Variants in FAM149A observed in about 807,000 individuals in gnomAD.
FAM149A encodes the protein family with sequence similarity 149 member A, also known as protein FAM149A.
A neutral mutation model predicts 78.2 loss-of-function variants in FAM149A; 71 were observed. The observed-to-expected ratio is 0.91, with a 90% CI of 0.75 to 1.11. The LOEUF (loss-of-function observed/expected upper bound fraction) is 1.11. Among genes scored for constraint, FAM149A ranks in the 50% least tolerant of loss-of-function variants. The pLI is 0.00. For synonymous variants in FAM149A, 446 were observed against 410.5 expected, an observed-to-expected ratio of 1.09 and a Z score of -1.04; for missense variants, 1,036 against 971.0, an observed-to-expected ratio of 1.07 and a Z score of -0.89.
intron 1 of FAM149A, chr4:186,130,270 T>TCC (rs1561392868): frequency 2.6e-4 from 8 of 30,770 alleles, no homozygotes; most frequent in Non-Finnish European, 3.9e-4. Flanking sequence ...GAAATCTCTC[T>TCC]CTCTCTCTCT....
chr4:186,130,281 C>CTCTCTCTCTCTCTT (rs1561392897), intron 1 of FAM149A: 1 of 39,416 alleles, frequency 2.5e-5, no homozygotes, highest in East Asian at 1.0e-3. Context: ...CTCTCTCTCT[C>CTCTCTCTCTCTCTT]TCTCTCTCTC....
intron 1 of FAM149A, among the ~76,000 whole-genome samples, chr4:186,114,023 G>T (rs1487556307): frequency 1.4e-5 from 2 of 141,132 alleles, no homozygotes; most frequent in Non-Finnish European, 3.1e-5. Flanking sequence ...TATTGTGTGG[G>T]AGTCTAAGTC....
intron 1 of FAM149A, among the ~76,000 whole-genome samples, chr4:186,121,808 T>C (rs2099316185): frequency 6.6e-6 from 1 of 152,230 alleles, no homozygotes; most frequent in Non-Finnish European, 1.5e-5. Context: ...CTCTTTTGTC[T>C]CTGTCTTGCT....
At chr4:186,132,353 G>A (rs1430950339) in intron 1 of FAM149A, 1 of 456,808 alleles carries the variant, frequency 2.2e-6, no homozygotes, top group Non-Finnish European at 2.9e-6. Context: ...AGTGGGCCAT[G>A]GGAGCCCAGT....
At chr4:186,163,031 A>T in intron 9 of FAM149A, 83 bp downstream of exon 9, 1 of 814,572 alleles carries the variant, frequency 1.2e-6, no homozygotes, top group Non-Finnish European at 2.1e-6. Flanking sequence ...AGGGGACATG[A>T]GATCACGAAG....
chr4:186,124,399 CT>C (rs1231005029), intron 1 of FAM149A, among the ~76,000 whole-genome samples: 1 of 151,470 alleles, frequency 6.6e-6, no homozygotes, highest in Non-Finnish European at 1.5e-5. Context: ...TCTCCTAATG[CT>C]ATCCCTCCCC....
At chr4:186,146,640 G>A (rs1338443517) in intron 1 of FAM149A, 2 of 712,874 alleles carry the variant, frequency 2.8e-6, no homozygotes, top group East Asian at 1.3e-4. Flanking sequence ...GCAGGAGGAG[G>A]AGCTAGAAGC....
chr4:186,171,928 C>G lies in FAM149A; in HGVS notation c.2233C>G (p.Pro745Ala), dbSNP rs1448151652. Reference sequence around the variant, plus strand: ...GGTGTTTCCAGGTTCACAATATGTGCCTAAATCTTTTCAGAGGACAACTTT... The same window carrying G: ...GGTGTTTCCAGGTTCACAATATGTGGCTAAATCTTTTCAGAGGACAACTTT... The change falls in exon 14 of 14, where the codon CCT (proline) becomes GCT (alanine). Residue 745 changes from proline (P) to alanine (A), a missense_variant. Coordinates refer to ENST00000389354, the MANE Select transcript of FAM149A (RefSeq NM_001367768.3). 1.2e-6 allele frequency: 2 copies of G among 1,610,358 alleles called. No homozygotes were observed. The highest frequency in any genetic ancestry group is 8.5e-7 in the Non-Finnish European group (1 of 1,178,650).
At chr4:186,165,535 TG>T in intron 11 of FAM149A, 71 bp downstream of exon 11, 1 of 1,527,004 alleles carries the variant, frequency 6.5e-7, no homozygotes. Flanking sequence ...AAAACAACCT[TG>T]GCACTTCCAA....
At position 186,104,921 on chromosome 4, in the gene FAM149A, A is replaced by G. The variant is rs1416146005; in HGVS notation, c.-156A>G. On this transcript the variant is annotated 5_prime_UTR_variant, in exon 1 of 14. Coordinates refer to ENST00000389354, the MANE Select transcript of FAM149A (RefSeq NM_001367768.3). ...GGGAAGGGCGACCCCAGCGGCGCGGAGCTGAGCGTCCTCGGGGAGGAGAGG... is the reference window on the plus strand; with the variant it reads ...GGGAAGGGCGACCCCAGCGGCGCGGGGCTGAGCGTCCTCGGGGAGGAGAGG... The G allele has an allele frequency of 2.1e-6, 2 of 972,934 alleles. No individual in the cohort carries two copies. Among genetic ancestry groups the G allele is most frequent in the Non-Finnish European group, 1.2e-6 (1 of 819,130 alleles). 60.3% of individuals were successfully genotyped at this position (972,934 alleles called of 1,614,324 possible).
intron 1 of FAM149A, among the ~76,000 whole-genome samples, chr4:186,143,516 T>C (rs1732714979): frequency 6.6e-6 from 1 of 152,072 alleles, no homozygotes; most frequent in Non-Finnish European, 1.5e-5. Flanking sequence ...AGGATTCCAG[T>C]GTTCTTAGTT....
At chr4:186,155,213 G>A (rs1238939374) in intron 6 of FAM149A, among the ~76,000 whole-genome samples, 1 of 151,970 alleles carries the variant, frequency 6.6e-6, no homozygotes, top group East Asian at 1.9e-4. Context: ...TGATCCTTCT[G>A]CCTCGGCCTC....
chr4:186,131,765 C>T, intron 1 of FAM149A: 1 of 306,006 alleles, frequency 3.3e-6, no homozygotes, highest in Non-Finnish European at 4.8e-6. Context: ...TGCCGATTTT[C>T]ATGCATCTCA....
At position 186,105,474 on chromosome 4, in the gene FAM149A, C is replaced by T. The variant is rs1347501139; in HGVS notation, c.398C>T (p.Pro133Leu). 5 of 1,213,352 alleles carry T rather than the reference C, an allele frequency of 4.1e-6. No individual in the cohort carries two copies. The highest frequency in any genetic ancestry group is 5.2e-6 in the Non-Finnish European group (5 of 957,784). 75.2% of individuals were successfully genotyped at this position (1,213,352 alleles called of 1,614,324 possible). ...GTCCCAGCGCGGCCGCCCTCGGGCCCCGGCGGGGTCTGGGCCGCGCTCCCC... is the reference window on the plus strand; with the variant it reads ...GTCCCAGCGCGGCCGCCCTCGGGCCTCGGCGGGGTCTGGGCCGCGCTCCCC... The change falls in exon 1 of 14, where the codon CCC (proline) becomes CTC (leucine). Residue 133 changes from proline (P) to leucine (L), a missense_variant. Pro to Leu is a moderately conservative substitution (Grantham distance 98). This residue lies in a region of FAM149A where 316 missense variants were observed against 241.9 expected (regional missense o/e 1.31). Coordinates refer to ENST00000389354, the MANE Select transcript of FAM149A (RefSeq NM_001367768.3).
chr4:186,138,064 T>C (rs1440705887), intron 1 of FAM149A, among the ~76,000 whole-genome samples: 1 of 152,186 alleles, frequency 6.6e-6, no homozygotes, highest in Non-Finnish European at 1.5e-5. Context: ...AAACAGACTT[T>C]TTATTTTAGA....
intron 1 of FAM149A, among the ~76,000 whole-genome samples, chr4:186,117,275 T>G (rs78887101): frequency 0.024 from 3,638 of 152,304 alleles, 140 homozygotes; most frequent in African/African-American, 0.083. Context: ...AATGTATTCT[T>G]TAATTAATTG....
intron 1 of FAM149A, chr4:186,109,762 CA>C (rs1561382457): frequency 2.0e-6 from 2 of 981,732 alleles, no homozygotes; most frequent in African/African-American, 3.5e-5. Flanking sequence ...GAAGAAAAAA[CA>C]GAGAAAAATG....
chr4:186,126,762 A>G (rs1051041027), intron 1 of FAM149A: 34 of 492,814 alleles, frequency 6.9e-5, no homozygotes, highest in Non-Finnish European at 2.6e-6. Context: ...CAGATGGCAG[A>G]TGATGCGACT....
chr4:186,157,097 C>T (rs1398664574), intron 7 of FAM149A, among the ~76,000 whole-genome samples: 2 of 152,094 alleles, frequency 1.3e-5, no homozygotes, highest in African/African-American at 4.8e-5. Flanking sequence ...TTTCATTGTT[C>T]GTGACATTAT....
Sources: allele counts gnomAD v4.1 joint callset (sites outside exome capture counted in the v4.1 genomes callset), GRCh38; gene constraint gnomAD v4.1.1; regional missense constraint gnomAD v4.1.1; transcripts MANE v1.5; gene names NCBI Gene and HGNC (gene_info 2026-07-23, HGNC 2026-07-21).